The following DDC variants were observed in gnomAD, a reference collection of about 807,000 sequenced individuals.
The protein encoded by DDC is dopa decarboxylase.
A neutral mutation model predicts 60.0 loss-of-function variants in DDC; 43 were observed. The observed-to-expected ratio is 0.72, with a 90% CI of 0.56 to 0.92. The LOEUF is 0.92. DDC is among the 40% of genes least tolerant of loss of function. The pLI is 0.00. For missense variants in DDC, 573 were observed against 620.2 expected (o/e 0.92, Z 0.81); for synonymous variants, 232 against 234.6 (o/e 0.99, Z 0.10).
chr7:50,524,215 A>G (rs1335010080), intron 6 of DDC, among the ~76,000 whole-genome samples: 1 of 152,190 alleles, frequency 6.6e-6, no homozygotes, highest in Non-Finnish European at 1.5e-5. Flanking sequence ...CAGTGAAACT[A>G]TTCTGTGTAA....
chr7:50,495,413 G>A lies in DDC; in HGVS notation c.881C>T (p.Ala294Val). 6.2e-7 allele frequency: 1 copy of A among 1,609,130 alleles called. No homozygotes were observed. The highest frequency in any genetic ancestry group is 1.1e-5 in the South Asian group (1 of 90,924). Reference sequence around the variant, plus strand: ...GTGGGGATTAAAGTTGAATGAATCTGCAAACTGCCAAAGAACAAGAGTAAG... The same window carrying A: ...GTGGGGATTAAAGTTGAATGAATCTACAAACTGCCAAAGAACAAGAGTAAG... Reference protein sequence around the residue: ...FRHLLNGVEFADSFNFNPHKW... With the variant: ...FRHLLNGVEFVDSFNFNPHKW... The change falls in exon 9 of 15, where the codon GCA becomes GTA. Residue 294 changes from alanine to valine, a missense_variant. By Grantham distance (64) the Ala-to-Val change is moderately conservative (BLOSUM62 0). Coordinates refer to ENST00000444124, the MANE Select transcript of DDC (RefSeq NM_001082971.2).
chr7:50,486,504 G>C (rs545661167), intron 9 of DDC, among the ~76,000 whole-genome samples: 1 of 152,184 alleles, frequency 6.6e-6, no homozygotes, highest in African/African-American at 2.4e-5. Context: ...AGATTATGGA[G>C]TTTAAAATAA....
chr7:50,518,140 A>G (rs2043789068), intron 6 of DDC, among the ~76,000 whole-genome samples: 1 of 151,084 alleles, frequency 6.6e-6, no homozygotes, highest in Non-Finnish European at 1.5e-5. Flanking sequence ...GAACCTGGAA[A>G]TGTGAAGGTT....
intron 1 of DDC, among the ~76,000 whole-genome samples, chr7:50,556,572 C>A (rs1358144070): frequency 1.3e-5 from 2 of 152,160 alleles, no homozygotes; most frequent in African/African-American, 4.8e-5. Flanking sequence ...CCACACAAAA[C>A]CATGAAGAGA....
At chr7:50,484,264 CT>C (rs1406016906) in intron 9 of DDC, among the ~76,000 whole-genome samples, 1 of 152,148 alleles carries the variant, frequency 6.6e-6, no homozygotes, top group Non-Finnish European at 1.5e-5. Context: ...TCTGTTGGGT[CT>C]TTTTTGTGTA....
At chr7:50,483,351 G>C (rs1337456910) in intron 9 of DDC, among the ~76,000 whole-genome samples, 2 of 152,090 alleles carry the variant, frequency 1.3e-5, no homozygotes, top group African/African-American at 4.8e-5. Flanking sequence ...ATTAAACACA[G>C]TTTGGACATG....
chr7:50,553,170 C>T (rs1463663643), intron 1 of DDC, among the ~76,000 whole-genome samples: 1 of 152,230 alleles, frequency 6.6e-6, no homozygotes, highest in East Asian at 1.9e-4. Flanking sequence ...CACTGTGGAT[C>T]TGTCCATGGT....
rs112009525 is a variant in DDC, at chr7:50,554,465, C to A, written c.-28-10352G>T. On this transcript the variant is annotated intron_variant, in intron 1 of 14. Coordinates refer to ENST00000444124, the MANE Select transcript of DDC (RefSeq NM_001082971.2). Reference sequence around the variant, plus strand: ...GGCCTCATTTTGAGGCTTTTGAGGCCGGCTTCCTCAGCTCCTTCCTTCCTC... The same window carrying A: ...GGCCTCATTTTGAGGCTTTTGAGGCAGGCTTCCTCAGCTCCTTCCTTCCTC... Among the ~76,000 whole-genome samples the A allele has an allele frequency of 1.8e-3, 268 of 152,228 alleles. 3 individuals carry two copies. Among genetic ancestry groups the A allele is most frequent in the African/African-American group, 6.1e-3 (254 of 41,532 alleles).
intron 6 of DDC, among the ~76,000 whole-genome samples, chr7:50,525,574 G>T (rs1162443859): frequency 6.6e-6 from 1 of 152,040 alleles, no homozygotes; most frequent in African/African-American, 2.4e-5. Flanking sequence ...GACCAGCTTG[G>T]CCAACATGAT....
At chr7:50,510,865 C>T (rs1363091618) in intron 6 of DDC, among the ~76,000 whole-genome samples, 1 of 148,732 alleles carries the variant, frequency 6.7e-6, no homozygotes, top group Non-Finnish European at 1.5e-5. Flanking sequence ...CCTGTAGTCC[C>T]AGCTACTCAG....
rs979975071 is a variant in DDC, at chr7:50,500,670, C to T, written c.782-1428G>A. On this transcript the variant is annotated intron_variant, in intron 7 of 14. Coordinates refer to ENST00000444124, the MANE Select transcript of DDC (RefSeq NM_001082971.2). Reference sequence around the variant, plus strand: ...TGAGCCCCTAAGCCTCGGTTCAGGTCCACACTGCTCTGTGACCTTTGGCCT... The same window carrying T: ...TGAGCCCCTAAGCCTCGGTTCAGGTTCACACTGCTCTGTGACCTTTGGCCT... Among the ~76,000 whole-genome samples the T allele has an allele frequency of 2.0e-5, 3 of 152,192 alleles. No individual in the cohort carries two copies. In the East Asian group the frequency reaches 5.8e-4, roughly 29 times the overall value.
chr7:50,467,238 C>T lies in DDC; in HGVS notation c.1218G>A (p.Leu406=), dbSNP rs746737558. The T allele has an allele frequency of 6.2e-6, 10 of 1,614,014 alleles. No homozygotes were observed. The highest frequency in any genetic ancestry group is 8.5e-6 in the Non-Finnish European group (10 of 1,179,988). Residue 406 remains leucine (L), a synonymous_variant, in exon 13 of 15, where the codon CTG becomes CTA. Transcript: ENST00000444124. ...CCTTTAGCCGAAAGCAGACAAGCCCCAGAATGACTTCCACACAGATTTCAA... is the reference window on the plus strand; with the variant it reads ...CCTTTAGCCGAAAGCAGACAAGCCCTAGAATGACTTCCACACAGATTTCAA... ...PRFEICVEVI[L]GLVCFRLKGS...
chr7:50,538,883 C>A (rs1156808939), intron 3 of DDC, among the ~76,000 whole-genome samples: 2 of 152,158 alleles, frequency 1.3e-5, no homozygotes, highest in African/African-American at 4.8e-5. Flanking sequence ...CCCTGCCCAG[C>A]AGAGAGGGAG....
chr7:50,499,278 G>A (rs1176644706), intron 7 of DDC, 36 bp from the exon 8 acceptor site: 2 of 1,475,706 alleles, frequency 1.4e-6, no homozygotes. Context: ...TCCCCAGATG[G>A]ATGCCTCACC....
chr7:50,536,688 G>A (rs11575326), intron 4 of DDC, among the ~76,000 whole-genome samples: 68 of 152,334 alleles, frequency 4.5e-4, no homozygotes, highest in African/African-American at 1.6e-3. Context: ...CTTATTTTGA[G>A]CCACAAAATT....
intron 3 of DDC, 200 bp downstream of exon 3, chr7:50,539,715 A>G (rs1255294444): frequency 1.7e-5 from 10 of 577,900 alleles, no homozygotes; most frequent in Non-Finnish European, 3.2e-5. Flanking sequence ...TGAGTTGTTG[A>G]GACTTTCTCT....
At chr7:50,537,037 G>GT (rs10574868) in intron 4 of DDC, among the ~76,000 whole-genome samples, 51 of 140,390 alleles carry the variant, frequency 3.6e-4, no homozygotes, top group African/African-American at 8.7e-4. Flanking sequence ...CTAGGAAGTT[G>GT]TTTTTTTTTT....
At chr7:50,473,702 A>G (rs927422409) in intron 11 of DDC, among the ~76,000 whole-genome samples, 5 of 152,270 alleles carry the variant, frequency 3.3e-5, no homozygotes, top group Middle Eastern at 3.4e-3. Flanking sequence ...CTGTCCCCAC[A>G]TGGCTCCTGA....
intron 6 of DDC, among the ~76,000 whole-genome samples, chr7:50,523,070 G>T (rs183141435): frequency 1.8e-4 from 28 of 152,256 alleles, no homozygotes; most frequent in African/African-American, 1.7e-4. Flanking sequence ...ACATGGATTC[G>T]GGTTGGGACA....
Sources: allele counts gnomAD v4.1 joint callset (sites outside exome capture counted in the v4.1 genomes callset), GRCh38; gene constraint gnomAD v4.1.1; transcripts MANE v1.5; gene names NCBI Gene and HGNC (gene_info 2026-07-23, HGNC 2026-07-21).